The following TOX variants were observed in gnomAD, a reference collection of about 807,000 sequenced individuals.
The protein encoded by TOX is thymocyte selection associated high mobility group box.
TOX carries 11 observed loss-of-function variants against 53.7 expected under a neutral mutation model. The observed-to-expected ratio is 0.20, with a 90% CI of 0.13 to 0.34. The LOEUF is 0.34. TOX is among the 10% of genes least tolerant of loss of function. The pLI, the probability that TOX is intolerant of heterozygous loss-of-function variation, is 1.00. For missense variants in TOX, 570 were observed against 664.6 expected, an observed-to-expected ratio of 0.86 and a Z score of 1.56; for synonymous variants, 225 against 245.3, an observed-to-expected ratio of 0.92 and a Z score of 0.77.
intron 1 of TOX, among the ~76,000 whole-genome samples, chr8:58,963,158 T>C (rs2129178778): frequency 6.6e-6 from 1 of 152,316 alleles, no homozygotes; most frequent in South Asian, 2.1e-4. Context: ...GACCTCAAAC[T>C]TGCCAGCTTT....
At chr8:59,033,033 C>CAAAAA (rs34575165) in intron 1 of TOX, among the ~76,000 whole-genome samples, 1 of 104,722 alleles carries the variant, frequency 9.5e-6, no homozygotes, top group South Asian at 3.5e-4. Context: ...AACTCCAACT[C>CAAAAA]AAAAAAAAAA....
chr8:59,022,497 G>C (rs1220383826), intron 1 of TOX, among the ~76,000 whole-genome samples: 1 of 152,098 alleles, frequency 6.6e-6, no homozygotes, highest in Non-Finnish European at 1.5e-5. Context: ...ACAGCCAACG[G>C]GATTTAAACC....
intron 1 of TOX, among the ~76,000 whole-genome samples, chr8:59,041,471 T>C (rs7010470): frequency 0.042 from 6,362 of 152,286 alleles, 273 homozygotes; most frequent in African/African-American, 0.11. Flanking sequence ...TCCGGTGAGC[T>C]ACAGCTCCTT....
chr8:59,001,518 T>C (rs1349639996), intron 1 of TOX, among the ~76,000 whole-genome samples: 1 of 152,118 alleles, frequency 6.6e-6, no homozygotes, highest in Admixed American at 6.5e-5. Flanking sequence ...CTGAGGATAA[T>C]TGAGTACATG....
chr8:58,933,122 A>C (rs573967800), intron 3 of TOX, among the ~76,000 whole-genome samples: 4 of 152,210 alleles, frequency 2.6e-5, no homozygotes, highest in Non-Finnish European at 5.9e-5. Context: ...GTTCTAAACG[A>C]ATCCTTTCTT....
At chr8:58,864,800 G>T (rs1811068894) in intron 3 of TOX, among the ~76,000 whole-genome samples, 1 of 152,174 alleles carries the variant, frequency 6.6e-6, no homozygotes, top group South Asian at 2.1e-4. Flanking sequence ...GGGGATCATG[G>T]CTTAATTATG....
At chr8:58,828,602 C>T (rs1360885205) in intron 5 of TOX, among the ~76,000 whole-genome samples, 2 of 151,504 alleles carry the variant, frequency 1.3e-5, no homozygotes, top group African/African-American at 2.4e-5. Context: ...GAAATTCACA[C>T]GTGAAAACAA....
At chr8:59,079,436 C>T (rs149716041) in intron 1 of TOX, among the ~76,000 whole-genome samples, 56 of 152,266 alleles carry the variant, frequency 3.7e-4, no homozygotes, top group Non-Finnish European at 5.4e-4. Context: ...TGGCCTTTAA[C>T]GCCTTGGGAC....
intron 5 of TOX, among the ~76,000 whole-genome samples, chr8:58,834,726 T>C (rs1198973804): frequency 6.6e-6 from 1 of 152,206 alleles, no homozygotes; most frequent in Non-Finnish European, 1.5e-5. Flanking sequence ...CGGTGCAATG[T>C]GCTCCCTTTT....
intron 1 of TOX, among the ~76,000 whole-genome samples, chr8:59,051,009 C>CATAT (rs1173777314): frequency 1.3e-5 from 2 of 152,038 alleles, no homozygotes; most frequent in African/African-American, 4.8e-5. Flanking sequence ...GACAAATGTA[C>CATAT]ATATTCTCAC....
chr8:58,809,918 G>T (rs1810050239), intron 7 of TOX, among the ~76,000 whole-genome samples: 1 of 152,144 alleles, frequency 6.6e-6, no homozygotes, highest in Admixed American at 6.5e-5. Flanking sequence ...AAAGTTTATT[G>T]CAGACTGTTT....
intron 1 of TOX, among the ~76,000 whole-genome samples, chr8:58,982,843 A>G (rs919626860): frequency 6.6e-6 from 1 of 152,126 alleles, no homozygotes; most frequent in African/African-American, 2.4e-5. Flanking sequence ...AACAAAATGG[A>G]TCCTTCTTAT....
intron 3 of TOX, among the ~76,000 whole-genome samples, chr8:58,932,553 T>C (rs762039303): frequency 6.6e-6 from 1 of 152,218 alleles, no homozygotes; most frequent in Admixed American, 6.5e-5. Context: ...ACATACTTTA[T>C]GCATTACATG....
In TOX at chr8:59,005,027, C is replaced by T. The variant is rs1016678770; in HGVS notation, c.103-45019G>A. Reference sequence around the variant, plus strand: ...AGAAATTTATTTTATGTAATTTAAACTTGAAAATATCATTTTCTTTTTTTT... The same window carrying T: ...AGAAATTTATTTTATGTAATTTAAATTTGAAAATATCATTTTCTTTTTTTT... On this transcript the variant is annotated intron_variant, in intron 1 of 8. Coordinates refer to ENST00000361421, the MANE Select transcript of TOX (RefSeq NM_014729.3). Among the ~76,000 whole-genome samples, 7 of 136,760 alleles carry T rather than the reference C, an allele frequency of 5.1e-5. No individual in the cohort carries two copies. In the South Asian group the frequency reaches 1.7e-3, roughly 33 times the overall value. The allele number at this position is 136,760 out of a possible 152,430, so 89.7% of individuals were successfully genotyped here.
intron 1 of TOX, among the ~76,000 whole-genome samples, chr8:58,990,956 A>C (rs1218503510): frequency 6.6e-6 from 1 of 152,216 alleles, no homozygotes; most frequent in Admixed American, 6.5e-5. Flanking sequence ...TTTTAAATCT[A>C]ACGTGTATTG....
At chr8:59,009,688 CCT>C (rs775167640) in intron 1 of TOX, among the ~76,000 whole-genome samples, 22 of 152,214 alleles carry the variant, frequency 1.4e-4, no homozygotes, top group Non-Finnish European at 2.9e-4. Flanking sequence ...TCCTTTCCAC[CCT>C]GTTTCTCTCT....
intron 1 of TOX, among the ~76,000 whole-genome samples, chr8:58,973,416 A>G (rs1206049897): frequency 2.0e-5 from 3 of 152,276 alleles, no homozygotes; most frequent in African/African-American, 4.8e-5. Flanking sequence ...TCACACTATC[A>G]GATGACTGAA....
chr8:59,017,800 C>T (rs1473518954), intron 1 of TOX, among the ~76,000 whole-genome samples: 2 of 152,140 alleles, frequency 1.3e-5, no homozygotes, highest in African/African-American at 2.4e-5. Context: ...TTAACTCTTT[C>T]TCCCTGCATA....
At chr8:59,054,898 G>A (rs1310203009) in intron 1 of TOX, among the ~76,000 whole-genome samples, 1 of 125,906 alleles carries the variant, frequency 7.9e-6, no homozygotes, top group African/African-American at 2.9e-5. Flanking sequence ...AAAAGAGAAA[G>A]GAAAAAAGAA....
Sources: gnomAD v4.1 joint callset for allele counts (sites outside exome capture counted in the v4.1 genomes callset) on GRCh38, gnomAD v4.1.1 for gene constraint, MANE v1.5 for transcripts, NCBI Gene and HGNC (gene_info 2026-07-23, HGNC 2026-07-21) for gene names.